STARD13: variants seen among roughly 807,000 people sequenced by gnomAD.
The protein encoded by STARD13 is StAR related lipid transfer domain containing 13, also known as stAR-related lipid transfer protein 13.
Under a neutral mutation model 106.4 loss-of-function variants are expected in STARD13, and 62 were observed. The ratio of observed to expected loss-of-function variants is 0.58; its 90% CI spans 0.48 to 0.72. STARD13 has a LOEUF of 0.72. Ranked by LOEUF, STARD13 falls within the 30% of genes least tolerant of loss-of-function variation. STARD13 has a pLI of 0.00. For synonymous variants in STARD13, 565 were observed against 553.0 expected (o/e 1.02, Z -0.31); for missense variants, 1,387 against 1,424.0 (o/e 0.97, Z 0.42).
intron 1 of STARD13, among the ~76,000 whole-genome samples, chr13:33,192,656 TG>T (rs1194163445): frequency 1.3e-5 from 2 of 152,174 alleles, no homozygotes; most frequent in Non-Finnish European, 2.9e-5. Context: ...CTCAGCAATT[TG>T]GGAGGCCAAG....
chr13:33,383,371 C>T, the STARD13 span, among the ~76,000 whole-genome samples: 5 of 151,548 alleles, frequency 3.3e-5, no homozygotes, highest in Non-Finnish European at 7.4e-5. Context: ...AATGTGAGAC[C>T]CTGTGTCAAA....
chr13:33,375,308 A>G, the STARD13 span, among the ~76,000 whole-genome samples: 8 of 152,166 alleles, frequency 5.3e-5, no homozygotes, highest in Non-Finnish European at 4.4e-5. Flanking sequence ...GCAAAGGCAG[A>G]TGTGTGTCTT....
intron 1 of STARD13, among the ~76,000 whole-genome samples, chr13:33,240,693 T>G (rs1232558119): frequency 1.3e-5 from 2 of 151,642 alleles, no homozygotes; most frequent in African/African-American, 4.9e-5. Context: ...TATCCTTAAG[T>G]ATTTTATCCT....
chr13:33,617,867 G>A, the STARD13 span, among the ~76,000 whole-genome samples: 2 of 152,178 alleles, frequency 1.3e-5, no homozygotes, highest in African/African-American at 4.8e-5. Context: ...ATAAAATAGA[G>A]AGGAATATGT....
At chr13:33,570,719 G>C in the STARD13 span, among the ~76,000 whole-genome samples, 1 of 152,082 alleles carries the variant, frequency 6.6e-6, no homozygotes, top group Non-Finnish European at 1.5e-5. Context: ...CTTTAGATGC[G>C]TTTAACGGAG....
intron 2 of STARD13, among the ~76,000 whole-genome samples, chr13:33,165,745 C>T (rs569731117): frequency 6.6e-6 from 1 of 152,312 alleles, no homozygotes; most frequent in Non-Finnish European, 1.5e-5. Context: ...CACCATCCAC[C>T]TAACACGTAG....
the STARD13 span, among the ~76,000 whole-genome samples, chr13:33,455,245 C>T: frequency 1.3e-5 from 2 of 152,188 alleles, no homozygotes; most frequent in Non-Finnish European, 2.9e-5. Context: ...GAACAGGATG[C>T]AACCATCTCC....
intron 1 of STARD13, chr13:33,333,921 G>T (rs75692622): frequency 0.028 from 4,319 of 152,240 alleles, 183 homozygotes; most frequent in African/African-American, 0.096. Context: ...TCTCAAACTT[G>T]TCACTAAGGA....
intron 1 of STARD13, among the ~76,000 whole-genome samples, chr13:33,171,240 G>A (rs752108672): frequency 2.0e-5 from 3 of 152,094 alleles, no homozygotes; most frequent in Non-Finnish European, 4.4e-5. Context: ...GCAGCTCCAG[G>A]GCTGCAAGGC....
chr13:33,337,289 T>C (rs1054228561), intron 1 of STARD13, among the ~76,000 whole-genome samples: 4 of 152,192 alleles, frequency 2.6e-5, no homozygotes, highest in African/African-American at 9.6e-5. Flanking sequence ...ATGGTTTTAA[T>C]AGTAGTGGTT....
chr13:33,293,790 C>T (rs1386399864), intron 1 of STARD13, among the ~76,000 whole-genome samples: 1 of 152,182 alleles, frequency 6.6e-6, no homozygotes, highest in East Asian at 1.9e-4. Flanking sequence ...ACATCTTTCT[C>T]CTGTGCTGGA....
chr13:33,443,120 T>C, the STARD13 span, among the ~76,000 whole-genome samples: 73 of 152,218 alleles, frequency 4.8e-4, no homozygotes, highest in Non-Finnish European at 5.3e-4. Context: ...GGCTCACCCC[T>C]GTAATCCCAG....
chr13:33,580,256 C>T, the STARD13 span, among the ~76,000 whole-genome samples: 1 of 151,898 alleles, frequency 6.6e-6, no homozygotes, highest in African/African-American at 2.4e-5. Flanking sequence ...CATGGAGGAA[C>T]CTTAAATACA....
At chr13:33,617,979 A>G in the STARD13 span, among the ~76,000 whole-genome samples, 1 of 152,238 alleles carries the variant, frequency 6.6e-6, no homozygotes, top group Non-Finnish European at 1.5e-5. Context: ...TTGGAGTTGC[A>G]TTTTGAATGA....
chr13:33,245,352 C>T (rs1889770501), intron 1 of STARD13, among the ~76,000 whole-genome samples: 1 of 152,210 alleles, frequency 6.6e-6, no homozygotes, highest in Non-Finnish European at 1.5e-5. Flanking sequence ...TCCGCACTTA[C>T]ATTCTCGCAG....
the STARD13 span, among the ~76,000 whole-genome samples, chr13:33,499,519 T>TCTTC: frequency 2.2e-5 from 2 of 91,888 alleles, no homozygotes; most frequent in African/African-American, 7.9e-5. Flanking sequence ...TTCTTCTTTC[T>TCTTC]TTCTTCTTCT....
the STARD13 span, among the ~76,000 whole-genome samples, chr13:33,461,427 A>C: frequency 2.0e-5 from 3 of 152,266 alleles, no homozygotes; most frequent in East Asian, 3.9e-4. Context: ...CAGCCACATA[A>C]AGTAGGTATT....
At chr13:33,110,387 TTAC>T (rs1874357791) in intron 11 of STARD13, among the ~76,000 whole-genome samples, 1 of 152,212 alleles carries the variant, frequency 6.6e-6, no homozygotes, top group African/African-American at 2.4e-5. Flanking sequence ...AGTGGTACTC[TTAC>T]AATGTCCATT....
At position 33,311,727 on chromosome 13, in the gene STARD13, G is replaced by T. The variant is rs144088284; in HGVS notation, c.124+38563C>A. On this transcript the variant is annotated intron_variant, in intron 1 of 5. Coordinates refer to the STARD13 transcript ENST00000567873. ...TTAGTGGGCTCCTTTTTGGTTCTGG[G>T]ATACAGAGATGAAAGCACAAAGGCT... Among the ~76,000 whole-genome samples, 741 of 152,294 alleles carry T rather than the reference G, an allele frequency of 4.9e-3. 8 individuals are homozygous for T. The highest frequency in any genetic ancestry group is 0.016 in the African/African-American group (664 of 41,566).
Sources: gnomAD v4.1 joint callset for allele counts (sites outside exome capture counted in the v4.1 genomes callset) on GRCh38, gnomAD v4.1.1 for gene constraint, MANE v1.5 for transcripts, NCBI Gene and HGNC (gene_info 2026-07-23, HGNC 2026-07-21) for gene names.